Variants in C10orf90 observed in about 807,000 individuals in gnomAD.
C10orf90 encodes chromosome 10 open reading frame 90, also known as (E2-independent) E3 ubiquitin-conjugating enzyme FATS.
A neutral mutation model predicts 62.5 loss-of-function variants in C10orf90; 56 were observed. The observed-to-expected ratio is 0.90, with a 90% confidence interval of 0.72 to 1.12. The LOEUF is 1.12. Ranked by LOEUF, C10orf90 falls within the 50% of genes most tolerant of loss-of-function variation. C10orf90 has a pLI of 0.00. For synonymous variants in C10orf90, 386 were observed against 340.4 expected (o/e 1.13, Z -1.47); for missense variants, 970 against 880.4 (o/e 1.10, Z -1.29).
At chr10:126,599,361 A>AT (rs113822696) in intron 2 of C10orf90, among the ~76,000 whole-genome samples, 212 of 142,958 alleles carry the variant, frequency 1.5e-3, no homozygotes, top group Middle Eastern at 7.2e-3. Context: ...AATTTTTTGT[A>AT]TTTTTTTTTT....
chr10:126,577,175 T>C (rs1316156694), intron 2 of C10orf90, among the ~76,000 whole-genome samples: 1 of 151,948 alleles, frequency 6.6e-6, no homozygotes, highest in Non-Finnish European at 1.5e-5. Context: ...AAATGATAAA[T>C]GTTTGAGATG....
At chr10:126,549,744 C>CAA (rs35430859) in intron 2 of C10orf90, among the ~76,000 whole-genome samples, 15,392 of 143,554 alleles carry the variant, frequency 0.11, 1,254 homozygotes, top group African/African-American at 0.23. Flanking sequence ...TTCATAATAG[C>CAA]AAAAAAAAAA....
intron 2 of C10orf90, among the ~76,000 whole-genome samples, chr10:126,555,110 T>A (rs1037285522): frequency 1.3e-5 from 2 of 152,276 alleles, no homozygotes; most frequent in Non-Finnish European, 2.9e-5. Flanking sequence ...GGACTCCACC[T>A]TACAATCAGC....
intron 4 of C10orf90, among the ~76,000 whole-genome samples, chr10:126,471,565 A>G (rs1239547124): frequency 6.6e-6 from 1 of 152,150 alleles, no homozygotes; most frequent in Non-Finnish European, 1.5e-5. Context: ...GTGTTAGGAT[A>G]CTATTATGCA....
rs1039777557 is a variant in C10orf90 at position 126,657,557 on chromosome 10, T to C, written c.241-10920A>G. Among the ~76,000 whole-genome samples, 9 of 152,294 alleles carry C rather than the reference T, an allele frequency of 5.9e-5. 1 individual carries two copies. The South Asian group carries it at 1.9e-3, about 32-fold the overall frequency. On this transcript the variant is annotated intron_variant, in intron 1 of 9. Coordinates refer to ENST00000488181, the MANE Select transcript of C10orf90 (RefSeq NM_001350921.2). Reference sequence around the variant, plus strand: ...GTCCAATTGATCAATTTTTTTTCCTTTGTGGGGCTGTGCTTTTGATATCAC... The same window carrying C: ...GTCCAATTGATCAATTTTTTTTCCTCTGTGGGGCTGTGCTTTTGATATCAC...
In C10orf90 at chr10:126,635,989, T is replaced by G. The variant is rs115239422; in HGVS notation, c.313+10576A>C. 4.7e-3 allele frequency among the ~76,000 whole-genome samples: 718 copies of G among 152,222 alleles called. 5 individuals carry two copies. Among genetic ancestry groups the G allele is most frequent in the African/African-American group, 0.017 (687 of 41,526 alleles). On this transcript the variant is annotated intron_variant, in intron 2 of 9. Transcript: ENST00000488181. ...CAGCGCAGAGGTCAAGCGGTGGCATTGTCAAATACCAGCCTAAAGGGAGAA... is the reference window on the plus strand; with the variant it reads ...CAGCGCAGAGGTCAAGCGGTGGCATGGTCAAATACCAGCCTAAAGGGAGAA...
intron 1 of C10orf90, among the ~76,000 whole-genome samples, chr10:126,662,093 T>TAA (rs10695373): frequency 0.24 from 35,316 of 148,644 alleles, 4,353 homozygotes; most frequent in African/African-American, 0.33. Flanking sequence ...GTAGTCTTGT[T>TAA]AAAAAAAAAA....
intron 2 of C10orf90, among the ~76,000 whole-genome samples, chr10:126,585,396 G>GA (rs1564882835): frequency 2.2e-5 from 3 of 136,574 alleles, no homozygotes; most frequent in East Asian, 4.3e-4. Flanking sequence ...AGGAAAGAAG[G>GA]AAGAAAAGGA....
In C10orf90 at chr10:126,504,736, A is replaced by T; in HGVS notation, c.755T>A (p.Val252Glu). Residue 252 changes from valine (V) to glutamate (E), a missense_variant, in exon 4 of 10, where the codon GTG becomes GAG. Coordinates refer to ENST00000488181, the MANE Select transcript of C10orf90 (RefSeq NM_001350921.2). This position sits in a 1 kb window ranked among gnomAD's most constrained non-coding sequence, Gnocchi z 4.1. ...RRVGPPARAL[V>E]WGTAGDSLCP... is the part of the protein sequence containing the mutation. ...CAGAGAGTCCCCAGCAGTCCCCCAC[A>T]CCAGGGCGCGGGCTGGGGGGCCCAC... The T allele has an allele frequency of 6.3e-7, 1 of 1,599,618 alleles. No homozygotes were observed. Among genetic ancestry groups the T allele is most frequent in the Middle Eastern group, 1.7e-4 (1 of 5,980 alleles).
intron 2 of C10orf90, among the ~76,000 whole-genome samples, chr10:126,605,879 G>GCATACATACATACATA (rs71488504): frequency 0.016 from 2,218 of 142,780 alleles, 30 homozygotes; most frequent in African/African-American, 0.048. Flanking sequence ...ATACATACAT[G>GCATACATACATACATA]CATACATACA....
intron 2 of C10orf90, among the ~76,000 whole-genome samples, chr10:126,630,884 C>CCTCCTTA (rs1371639022): frequency 2.0e-5 from 3 of 152,170 alleles, no homozygotes; most frequent in Non-Finnish European, 2.9e-5. Context: ...TGGGAATCAC[C>CCTCCTTA]CTCCTTAACT....
chr10:126,477,060 A>C (rs1437565107), intron 4 of C10orf90, among the ~76,000 whole-genome samples: 2 of 132,964 alleles, frequency 1.5e-5, no homozygotes, highest in African/African-American at 2.8e-5. Context: ...CAGGTGCCCA[A>C]CATCACGCCT....
chr10:126,484,672 C>T (rs777856351), intron 4 of C10orf90, among the ~76,000 whole-genome samples: 26 of 152,046 alleles, frequency 1.7e-4, no homozygotes, highest in Non-Finnish European at 3.4e-4. Flanking sequence ...GAATCCAAAG[C>T]CTTAAAAATG....
intron 2 of C10orf90, among the ~76,000 whole-genome samples, chr10:126,565,521 C>T (rs770061270): frequency 4.2e-5 from 6 of 142,202 alleles, no homozygotes; most frequent in South Asian, 2.2e-4. Context: ...TGTAGAACAC[C>T]GAGCTCTGCT....
intron 2 of C10orf90, among the ~76,000 whole-genome samples, chr10:126,560,479 C>T (rs895894403): frequency 1.3e-5 from 2 of 152,132 alleles, no homozygotes; most frequent in African/African-American, 4.8e-5. Flanking sequence ...CAGGAAGCCT[C>T]GTCACTGTGT....
At chr10:126,500,347 C>T (rs966745455) in intron 4 of C10orf90, among the ~76,000 whole-genome samples, 2 of 152,110 alleles carry the variant, frequency 1.3e-5, no homozygotes, top group Non-Finnish European at 2.9e-5. Flanking sequence ...CAATTGGCCA[C>T]GTGGACTTGG....
intron 2 of C10orf90, among the ~76,000 whole-genome samples, chr10:126,642,990 C>A (rs1379714972): frequency 6.6e-6 from 1 of 152,182 alleles, no homozygotes. Context: ...TGACTAATTT[C>A]TAGGGCTCCA....
At chr10:126,496,969 T>C (rs1380888541) in intron 4 of C10orf90, among the ~76,000 whole-genome samples, 2 of 152,140 alleles carry the variant, frequency 1.3e-5, no homozygotes, top group South Asian at 2.1e-4. Flanking sequence ...CTCTACAAAA[T>C]AGCAAATGCA....
chr10:126,494,951 GAAT>G (rs1861962234), intron 4 of C10orf90, among the ~76,000 whole-genome samples: 1 of 152,206 alleles, frequency 6.6e-6, no homozygotes, highest in Admixed American at 6.5e-5. Flanking sequence ...CATTACCCAT[GAAT>G]AGCTGAGAAA....
Sources: gnomAD v4.1 joint callset for allele counts (sites outside exome capture counted in the v4.1 genomes callset) on GRCh38, gnomAD v4.1.1 for gene constraint, Gnocchi (gnomAD v3.1) non-coding constraint, MANE v1.5 for transcripts, NCBI Gene and HGNC (gene_info 2026-07-23, HGNC 2026-07-21) for gene names.